Variants in CRTC1 observed in about 807,000 individuals in gnomAD.
CRTC1 encodes the protein CREB-regulated transcription coactivator 1.
In CRTC1, 18 loss-of-function variants were observed where a neutral mutation model predicts 66.1. That is an observed-to-expected ratio of 0.27 (90% CI 0.19 to 0.40). The LOEUF (loss-of-function observed/expected upper bound fraction) is 0.40, where lower values mean the gene tolerates loss of function less well. Among genes scored for constraint, CRTC1 ranks in the 10% least tolerant of loss-of-function variants. CRTC1 has a pLI of 1.00. For synonymous variants in CRTC1, 416 were observed against 398.8 expected (o/e 1.04, Z -0.51); for missense variants, 669 against 887.9 (o/e 0.75, Z 3.13).
chr19:18,719,013 G>A (rs2053566419), intron 1 of CRTC1, among the ~76,000 whole-genome samples: 1 of 152,202 alleles, frequency 6.6e-6, no homozygotes. Flanking sequence ...GGAGGCCTGG[G>A]AGGAGGTCAC....
intron 1 of CRTC1, among the ~76,000 whole-genome samples, chr19:18,728,494 C>T (rs928815251): frequency 2.6e-5 from 4 of 151,990 alleles, no homozygotes; most frequent in African/African-American, 4.8e-5. Context: ...GGAAGTTCTC[C>T]GTGCCTTATC....
chr19:18,758,203 T>G (rs1374472668), intron 6 of CRTC1, among the ~76,000 whole-genome samples: 2 of 143,258 alleles, frequency 1.4e-5, no homozygotes, highest in African/African-American at 5.2e-5. Flanking sequence ...CTACTAAAAA[T>G]ACAAAAATTA....
chr19:18,764,148 C>A (rs2054675945), intron 8 of CRTC1, among the ~76,000 whole-genome samples: 1 of 152,222 alleles, frequency 6.6e-6, no homozygotes, highest in South Asian at 2.1e-4. Flanking sequence ...ACAAGGCTGT[C>A]ATCTCCCCTC....
chr19:18,776,950 ATCTAGGGCCAGACTGGTC>A (rs1415396637), intron 13 of CRTC1, among the ~76,000 whole-genome samples: 3 of 152,116 alleles, frequency 2.0e-5, no homozygotes, highest in Admixed American at 6.5e-5. Context: ...TGGAGCTGAC[ATCTAGGGCCAGACTGGTC>A]TCTGGGGTCC....
At chr19:18,770,816 G>A (rs919029974) in intron 10 of CRTC1, among the ~76,000 whole-genome samples, 10 of 151,884 alleles carry the variant, frequency 6.6e-5, no homozygotes, top group Middle Eastern at 3.4e-3. Context: ...GTGTACATGC[G>A]TGGGTGTGTC....
At chr19:18,711,017 G>A (rs971983597) in intron 1 of CRTC1, among the ~76,000 whole-genome samples, 1 of 152,204 alleles carries the variant, frequency 6.6e-6, no homozygotes, top group African/African-American at 2.4e-5. Flanking sequence ...GGGCTTTGTA[G>A]GCCTCCAGCT....
intron 1 of CRTC1, among the ~76,000 whole-genome samples, chr19:18,730,947 ATCCTTCCCTCCCTCCCTCCTTCCC>A (rs1010386664): frequency 1.3e-4 from 19 of 147,048 alleles, no homozygotes; most frequent in African/African-American, 4.2e-4. Flanking sequence ...GGGGCTGAGT[ATCCTTCCCTCCCTCCCTCCTTCCC>A]TCCTTCCCTC....
intron 1 of CRTC1, among the ~76,000 whole-genome samples, chr19:18,724,905 C>T (rs1320130975): frequency 3.3e-5 from 5 of 150,750 alleles, no homozygotes; most frequent in South Asian, 2.1e-4. Flanking sequence ...CTGCATCGAG[C>T]GCTTGGGATC....
At chr19:18,757,296 G>T (rs951607550) in intron 6 of CRTC1, among the ~76,000 whole-genome samples, 1 of 152,140 alleles carries the variant, frequency 6.6e-6, no homozygotes, top group Non-Finnish European at 1.5e-5. Context: ...CCTGGAGCCT[G>T]TAGTTCCCCA....
At chr19:18,692,783 T>C (rs916916083) in intron 1 of CRTC1, among the ~76,000 whole-genome samples, 1 of 151,650 alleles carries the variant, frequency 6.6e-6, no homozygotes, top group African/African-American at 2.4e-5. Context: ...AGTTAGAAAT[T>C]CATTTTTCTG....
At position 18,779,265 on chromosome 19, in the gene CRTC1, C is replaced by G. The variant is rs1347147610; in HGVS notation, c.*1883C>G. On this transcript the variant is annotated 3_prime_UTR_variant, in exon 14 of 14. Transcript: ENST00000321949. ...CTGGGTTTGATCCTAGCAACCATCC[C>G]TTCCTCTCTTTGCCCGGCAATGCCT... 8.7e-6 allele frequency: 2 copies of G among 229,340 alleles called. No individual in the cohort carries two copies. The highest frequency in any genetic ancestry group is 1.1e-4 in the Admixed American group (2 of 17,644). The allele number at this position is 229,340 out of a possible 1,614,324, so 14.2% of individuals were successfully genotyped here.
At chr19:18,701,649 A>C (rs2053142914) in intron 1 of CRTC1, among the ~76,000 whole-genome samples, 1 of 152,218 alleles carries the variant, frequency 6.6e-6, no homozygotes, top group South Asian at 2.1e-4. Context: ...TCTGTCACCC[A>C]GGCTGGAGTG....
chr19:18,704,905 A>ACCCCCC (rs1244447306), intron 1 of CRTC1, among the ~76,000 whole-genome samples: 2 of 37,098 alleles, frequency 5.4e-5, no homozygotes, highest in Non-Finnish European at 1.1e-4. Context: ...CCCACCCCCT[A>ACCCCCC]CCCCCCAATC....
chr19:18,687,084 C>T (rs560484624), intron 1 of CRTC1, among the ~76,000 whole-genome samples: 33 of 144,472 alleles, frequency 2.3e-4, no homozygotes, highest in South Asian at 6.5e-4. Context: ...GGCGCAATCT[C>T]GGCTCACTGC....
chr19:18,700,858 C>T (rs1202779296), intron 1 of CRTC1, among the ~76,000 whole-genome samples: 2 of 152,224 alleles, frequency 1.3e-5, no homozygotes, highest in African/African-American at 4.8e-5. Flanking sequence ...TCTGCTTCAG[C>T]GTCTCTTTCT....
At chr19:18,734,682 A>AAAAG (rs1241549710) in intron 1 of CRTC1, among the ~76,000 whole-genome samples, 1 of 152,176 alleles carries the variant, frequency 6.6e-6, no homozygotes, top group Admixed American at 6.5e-5. Flanking sequence ...TGTCGCAAAT[A>AAAAG]AAAGAAAGAA....
At chr19:18,775,057 C>T (rs1568544064) in intron 12 of CRTC1, 71 bp downstream of exon 12, 1 of 1,485,642 alleles carries the variant, frequency 6.7e-7, no homozygotes, top group African/African-American at 1.4e-5. Flanking sequence ...TCGCTGGGAC[C>T]CGGGCCTTGC....
In CRTC1 at chr19:18,781,161, C is replaced by T. The variant is rs866479437; in HGVS notation, c.*3779C>T. The T allele has an allele frequency of 5.6e-4, 127 of 227,264 alleles. No individual in the cohort carries two copies. The highest frequency in any genetic ancestry group is 2.2e-3 in the African/African-American group (100 of 45,056). The allele number at this position is 227,264 out of a possible 1,614,324, so 14.1% of individuals were successfully genotyped here. A position where few individuals can be genotyped will look rare whatever the true frequency, so the allele number is the denominator to read the frequency against. On this transcript the variant is annotated 3_prime_UTR_variant, in exon 14 of 14. Transcript: ENST00000321949. ...GCTCTCAGAGCAAGGGCCACAAAGC[C>T]GATGGCACAGATGTGCCCCTGGGCC...
At chr19:18,746,421 G>C (rs933542779) in intron 3 of CRTC1, among the ~76,000 whole-genome samples, 1 of 152,086 alleles carries the variant, frequency 6.6e-6, no homozygotes, top group African/African-American at 2.4e-5. Flanking sequence ...CTCCATCTCT[G>C]TAAGACAGGA....
Sources: allele counts gnomAD v4.1 joint callset (sites outside exome capture counted in the v4.1 genomes callset), GRCh38; gene constraint gnomAD v4.1.1; transcripts MANE v1.5; gene names NCBI Gene and HGNC (gene_info 2026-07-23, HGNC 2026-07-21).